Variants in NCAPD2 observed in about 807,000 individuals in gnomAD.
The protein encoded by NCAPD2 is condensin complex subunit 1.
In NCAPD2, 100 loss-of-function variants were observed where a neutral mutation model predicts 164.5. The observed-to-expected ratio is 0.61, with a 90% confidence interval of 0.52 to 0.72. NCAPD2 has a LOEUF of 0.72. Ranked by LOEUF, NCAPD2 falls within the 30% of genes least tolerant of loss-of-function variation. The pLI is 0.00. For synonymous variants in NCAPD2, 585 were observed against 642.6 expected, an observed-to-expected ratio of 0.91 and a Z score of 1.36; for missense variants, 1,560 against 1,749.2, an observed-to-expected ratio of 0.89 and a Z score of 1.93.
intron 2 of NCAPD2, among the ~76,000 whole-genome samples, chr12:6,503,870 T>G (rs1275850862): frequency 1.3e-5 from 2 of 151,164 alleles, no homozygotes; most frequent in Admixed American, 1.3e-4. Context: ...TCCCAGCTAC[T>G]CGGGAGGCTG....
rs1367844781 is a variant in NCAPD2 at position 6,510,742 on chromosome 12, C to A, written c.376C>A (p.Arg126Ser). The A allele has an allele frequency of 6.2e-7, 1 of 1,614,148 alleles. No homozygotes were observed. Among genetic ancestry groups the A allele is most frequent in the African/African-American group, 1.3e-5 (1 of 75,032 alleles). The change falls in exon 5 of 32, where the codon CGT (arginine) becomes AGT (serine). Residue 126 changes from arginine (R) to serine (S), a missense_variant. Physicochemically the swap from Arg to Ser is moderately radical, Grantham distance 110. Transcript: ENST00000315579. ...ALKMNCYALIRLLESFETMAS... is the reference protein window; with the variant it reads ...ALKMNCYALISLLESFETMAS... ...CAAAATGAACTGTTATGCTCTGATA[C>A]GTCTCCTGGAATCCTTTGAGACCAT...
rs140949448 is a variant in NCAPD2, at chr12:6,530,595, T to G, written c.3838-96T>G. 1,355 of 1,501,146 alleles carry G rather than the reference T, an allele frequency of 9.0e-4. 7 individuals are homozygous for G. The African/African-American group carries it at 0.017, about 19-fold the overall frequency. 93.0% of individuals were successfully genotyped at this position (1,501,146 alleles called of 1,614,324 possible). On this transcript the variant is annotated intron_variant, in intron 29 of 31. Coordinates refer to ENST00000315579, the MANE Select transcript of NCAPD2 (RefSeq NM_014865.4). ...TTCTCACCTTGGCTTCTTAGTAATG[T>G]GCGTTTAAGGCCTCCATGTCTTCCA...
At chr12:6,514,697 A>G in intron 8 of NCAPD2, 76 bp from the exon 9 acceptor site, 1 of 1,605,426 alleles carries the variant, frequency 6.2e-7, no homozygotes, top group South Asian at 1.1e-5. Context: ...GATATTAGAT[A>G]CCTGTCTTAC....
intron 6 of NCAPD2, 77 bp downstream of exon 6, chr12:6,511,329 G>T (rs7358768): frequency 0.7 from 1,066,612 of 1,519,404 alleles, 376,062 homozygotes; most frequent in Admixed American, 0.77. Flanking sequence ...CGTTTTTTTG[G>T]TTTTGTTTTT....
intron 2 of NCAPD2, among the ~76,000 whole-genome samples, chr12:6,505,906 C>T (rs564661141): frequency 2.0e-5 from 3 of 151,958 alleles, no homozygotes; most frequent in South Asian, 2.1e-4. Context: ...TATTTATTTC[C>T]GTTTCTCTTG....
chr12:6,501,732 G>A (rs1394171324), intron 2 of NCAPD2, among the ~76,000 whole-genome samples: 1 of 152,214 alleles, frequency 6.6e-6, no homozygotes, highest in Non-Finnish European at 1.5e-5. Flanking sequence ...ACCTGAGACA[G>A]TCCAGCATTT....
At chr12:6,523,403 T>C in intron 17 of NCAPD2, 57 bp downstream of exon 17, 1 of 1,417,418 alleles carries the variant, frequency 7.1e-7, no homozygotes, top group South Asian at 1.2e-5. Context: ...TGGTTGTTTT[T>C]TTTTTTTTTT....
rs1946324278 is a variant in NCAPD2, at chr12:6,527,045, C to G, written c.2889C>G (p.Thr963=). 6.2e-7 allele frequency: 1 copy of G among 1,612,088 alleles called. No individual in the cohort carries two copies. The highest frequency in any genetic ancestry group is 8.5e-7 in the Non-Finnish European group (1 of 1,178,756). ...TCCGGGAAGAACAGGAGCACAAGAC[C>G]AAAGATCCCAAGGAGAAGGTGTGTG... ...RVLREEQEHK[T]KDPKEKNTSS... The change falls in exon 22 of 32, where the codon ACC becomes ACG. Residue 963 remains threonine (T), a synonymous_variant. Transcript: ENST00000315579.
At chr12:6,502,058 T>C (rs1946043501) in intron 2 of NCAPD2, among the ~76,000 whole-genome samples, 1 of 152,138 alleles carries the variant, frequency 6.6e-6, no homozygotes, top group Non-Finnish European at 1.5e-5. Context: ...TGTGTCTATA[T>C]TGAGTAGGAA....
chr12:6,526,885 C>T lies in NCAPD2; in HGVS notation c.2735-6C>T, dbSNP rs367994723. ...TTGCCCCACCTTCCCTCTCCCTCTCCTCCAGAGGAGTCCCCCGCAATGCTC... is the reference window on the plus strand; with the variant it reads ...TTGCCCCACCTTCCCTCTCCCTCTCTTCCAGAGGAGTCCCCCGCAATGCTC... On this transcript the variant is annotated splice_polypyrimidine_tract_variant and splice_region_variant and intron_variant, in intron 21 of 31. Coordinates refer to ENST00000315579, the MANE Select transcript of NCAPD2 (RefSeq NM_014865.4). 2.3e-4 allele frequency: 368 copies of T among 1,605,728 alleles called. 1 individual carries two copies. Among genetic ancestry groups the T allele is most frequent in the Non-Finnish European group, 2.9e-4 (338 of 1,176,082 alleles).
Position 6,531,729 on chromosome 12 carries a change from C to G in NCAPD2, c.*317C>G. The G allele has an allele frequency of 2.8e-6, 1 of 362,232 alleles. No individual in the cohort carries two copies. Among genetic ancestry groups the G allele is most frequent in the Non-Finnish European group, 5.2e-6 (1 of 192,588 alleles). 22.4% of individuals were successfully genotyped at this position (362,232 alleles called of 1,614,324 possible). A position where few individuals can be genotyped will look rare whatever the true frequency, so the allele number is the denominator to read the frequency against. ...CTGAGGCAGGAGAATCGCCTGAACC[C>G]AGAGGCGGAGGTTGTAGTGAGCCGA... On this transcript the variant is annotated 3_prime_UTR_variant, in exon 32 of 32. Coordinates refer to ENST00000315579, the MANE Select transcript of NCAPD2 (RefSeq NM_014865.4). The surrounding 1 kb of genome is among the most constrained non-coding windows in gnomAD (Gnocchi z 4.1).
chr12:6,507,817 C>T (rs1208721900), intron 2 of NCAPD2, among the ~76,000 whole-genome samples: 1 of 151,904 alleles, frequency 6.6e-6, no homozygotes, highest in Non-Finnish European at 1.5e-5. Context: ...GTGGCGTGTC[C>T]AGGCATGTAA....
Position 6,495,148 on chromosome 12 carries a change from T to A in NCAPD2, c.50T>A (p.Leu17Ter). 1 of 1,614,136 alleles carries A rather than the reference T, an allele frequency of 6.2e-7. No homozygotes were observed. Among genetic ancestry groups the A allele is most frequent in the African/African-American group, 1.3e-5 (1 of 75,024 alleles). ...CATCTGCCATTATCCCCAGAGGAGT[T>A]GTTGAAAAGTGGAGGGGTGAATCAG... ...EFHLPLSPEE[L>*]LKSGGVNQYV... The change falls in exon 2 of 32, where the codon TTG becomes TAG. Residue 17 changes from leucine (L) to a stop codon, truncating the protein, a stop_gained. Coordinates refer to ENST00000315579, the MANE Select transcript of NCAPD2 (RefSeq NM_014865.4). LOFTEE classifies it high-confidence loss of function.
In NCAPD2 at chr12:6,522,951, T is replaced by G. The variant is rs1041531227; in HGVS notation, c.2078T>G (p.Val693Gly). 1.9e-6 allele frequency: 3 copies of G among 1,614,218 alleles called. No homozygotes were observed. Among genetic ancestry groups the G allele is most frequent in the Non-Finnish European group, 1.7e-6 (2 of 1,180,044 alleles). The change falls in exon 16 of 32, where the codon GTG (valine) becomes GGG (glycine). Residue 693 changes from valine (V) to glycine (G), a missense_variant. Physicochemically the swap from Val to Gly is moderately radical, Grantham distance 109. Transcript: ENST00000315579. ...WSKEPGVREA[V>G]LNAYRQLYLN... ...AAGGAGCCTGGTGTCCGGGAAGCCG[T>G]GCTTAATGCCTACCGCCAACTCTAC...
intron 15 of NCAPD2, among the ~76,000 whole-genome samples, chr12:6,522,304 G>A (rs1038050634): frequency 6.8e-6 from 1 of 147,494 alleles, no homozygotes; most frequent in African/African-American, 2.5e-5. Context: ...AGGGGTTCTC[G>A]GCTGGGCGCG....
chr12:6,503,998 G>T (rs1946064718), intron 2 of NCAPD2, among the ~76,000 whole-genome samples: 1 of 151,562 alleles, frequency 6.6e-6, no homozygotes, highest in Non-Finnish European at 1.5e-5. Flanking sequence ...ATATATATTT[G>T]TGAGGGTGGA....
chr12:6,526,726 C>G (rs554436972), intron 21 of NCAPD2, 111 bp downstream of exon 21: 7 of 1,462,134 alleles, frequency 4.8e-6, no homozygotes, highest in Non-Finnish European at 6.5e-6. Context: ...TACACTGTGT[C>G]GTTTTTGTCT....
At position 6,513,735 on chromosome 12, in the gene NCAPD2, T is replaced by TTTTTTTTTTTTGC. The variant is rs1343281456; in HGVS notation, c.588-530_588-529insTTTTTTTTTTTGC. Among the ~76,000 whole-genome samples, 4 of 92,834 alleles carry TTTTTTTTTTTTGC rather than the reference T, an allele frequency of 4.3e-5. 1 individual carries two copies. Among genetic ancestry groups the TTTTTTTTTTTTGC allele is most frequent in the Admixed American group, 1.2e-4 (1 of 8,542 alleles). The allele number at this position is 92,834 out of a possible 152,430, so 60.9% of individuals were successfully genotyped here. ...TTTGTCTTTTTTTTTTTTTTTTTTG[T>TTTTTTTTTTTTGC]GATGGAGTCTCGCAATGTCGCCTGG... On this transcript the variant is annotated intron_variant, in intron 6 of 31. Transcript: ENST00000315579.
At chr12:6,523,051 C>T (rs1216853631) in intron 16 of NCAPD2, 49 bp downstream of exon 16, 3 of 1,598,982 alleles carry the variant, frequency 1.9e-6, no homozygotes, top group Admixed American at 1.7e-5. Context: ...GTCAGCTTCT[C>T]ACAGGACTTC....
Sources: gnomAD v4.1 joint callset for allele counts (sites outside exome capture counted in the v4.1 genomes callset) on GRCh38, gnomAD v4.1.1 for gene constraint, Gnocchi (gnomAD v3.1) non-coding constraint, MANE v1.5 for transcripts, NCBI Gene and HGNC (gene_info 2026-07-23, HGNC 2026-07-21) for gene names.